Variants in CHST9 observed in about 807,000 individuals in gnomAD.
CHST9 encodes the protein GalNAc-4-sulfotransferase 2.
CHST9 carries 41 observed loss-of-function variants against 44.4 expected under a neutral mutation model. That is an observed-to-expected ratio of 0.92 (90% CI 0.72 to 1.20). The LOEUF is 1.20. Among genes scored for constraint, CHST9 ranks in the 50% most tolerant of loss-of-function variants. The pLI is 0.00. For synonymous variants in CHST9, 171 were observed against 178.4 expected (o/e 0.96, Z 0.33); for missense variants, 504 against 516.5 (o/e 0.98, Z 0.23).
At chr18:26,960,515 C>G (rs1436446806) in intron 4 of CHST9, among the ~76,000 whole-genome samples, 1 of 152,176 alleles carries the variant, frequency 6.6e-6, no homozygotes, top group Non-Finnish European at 1.5e-5. Flanking sequence ...GGCTGATTTC[C>G]TTATTTATTA....
intron 4 of CHST9, among the ~76,000 whole-genome samples, chr18:26,954,086 A>G (rs1274614372): frequency 6.6e-6 from 1 of 152,082 alleles, no homozygotes; most frequent in Non-Finnish European, 1.5e-5. Context: ...TTCACCATCA[A>G]ATTGTATTTT....
At chr18:27,129,351 C>T (rs1226789128) in intron 2 of CHST9, among the ~76,000 whole-genome samples, 2 of 151,740 alleles carry the variant, frequency 1.3e-5, no homozygotes, top group Admixed American at 1.3e-4. Context: ...GCCTTAATTG[C>T]TTGGTTTATT....
At chr18:26,919,129 G>C (rs1280417232) in intron 5 of CHST9, among the ~76,000 whole-genome samples, 1 of 152,074 alleles carries the variant, frequency 6.6e-6, no homozygotes, top group African/African-American at 2.4e-5. Context: ...CCACCCCCAT[G>C]ATTCAATTAC....
At chr18:27,115,724 G>T (rs761226944) in intron 2 of CHST9, among the ~76,000 whole-genome samples, 2 of 152,058 alleles carry the variant, frequency 1.3e-5, no homozygotes, top group Non-Finnish European at 2.9e-5. Context: ...TGTTACCTAG[G>T]CTGGTCTTGA....
intron 3 of CHST9, among the ~76,000 whole-genome samples, chr18:27,036,289 A>T (rs2057389821): frequency 6.6e-6 from 1 of 152,178 alleles, no homozygotes; most frequent in Non-Finnish European, 1.5e-5. Flanking sequence ...CCTCTCCTTT[A>T]TCTCCAGTTC....
intron 4 of CHST9, among the ~76,000 whole-genome samples, chr18:26,965,604 A>T (rs2056454622): frequency 6.6e-6 from 1 of 152,232 alleles, no homozygotes; most frequent in South Asian, 2.1e-4. Flanking sequence ...ACTGATTGCA[A>T]ATCAGAGAGA....
chr18:26,974,736 C>T (rs534363426), intron 4 of CHST9, among the ~76,000 whole-genome samples: 3 of 151,772 alleles, frequency 2.0e-5, no homozygotes, highest in African/African-American at 7.3e-5. Context: ...TGCAGTGGCC[C>T]GATCTCGGCT....
chr18:26,987,490 T>C (rs1302612094), intron 4 of CHST9, among the ~76,000 whole-genome samples: 1 of 152,206 alleles, frequency 6.6e-6, no homozygotes, highest in Non-Finnish European at 1.5e-5. Context: ...TGTTTAAACC[T>C]TTTAAAAGAC....
intron 4 of CHST9, among the ~76,000 whole-genome samples, chr18:26,955,806 G>C (rs2056314521): frequency 6.6e-6 from 1 of 152,174 alleles, no homozygotes; most frequent in African/African-American, 2.4e-5. Flanking sequence ...GAGCTCAGCT[G>C]CTGGGGGCCT....
intron 4 of CHST9, among the ~76,000 whole-genome samples, chr18:26,955,455 T>G (rs947297147): frequency 6.6e-6 from 1 of 152,166 alleles, no homozygotes; most frequent in African/African-American, 2.4e-5. Flanking sequence ...ACTCAAATAG[T>G]TTTTTTGGGG....
At chr18:27,162,532 G>T (rs1305655286) in intron 1 of CHST9, among the ~76,000 whole-genome samples, 3 of 152,108 alleles carry the variant, frequency 2.0e-5, no homozygotes, top group Non-Finnish European at 4.4e-5. Context: ...CTCTCTGGCT[G>T]CTCTTAACAT....
intron 2 of CHST9, among the ~76,000 whole-genome samples, chr18:27,082,023 C>T (rs1470307784): frequency 1.3e-5 from 2 of 152,090 alleles, no homozygotes; most frequent in Non-Finnish European, 2.9e-5. Flanking sequence ...TAAATGTTTC[C>T]CCTGAGGGTA....
At chr18:27,174,023 C>T (rs923828309) in intron 1 of CHST9, among the ~76,000 whole-genome samples, 1 of 151,920 alleles carries the variant, frequency 6.6e-6, no homozygotes, top group African/African-American at 2.4e-5. Context: ...TCAAATATAT[C>T]CTCTCCCTAA....
intron 5 of CHST9, among the ~76,000 whole-genome samples, chr18:26,939,926 C>A (rs1279403059): frequency 1.3e-5 from 2 of 152,154 alleles, no homozygotes; most frequent in African/African-American, 2.4e-5. Context: ...ACTATACTCA[C>A]CCACTCCATA....
rs1220494406 is a variant in CHST9 at position 26,907,164 on chromosome 18, CAGA to C, written c.*9092_*9094del. On this transcript the variant is annotated 3_prime_UTR_variant, in exon 6 of 6. Transcript: ENST00000618847. The stretch of plus-strand genomic sequence containing the variant: ...GTGAGAGTCTGAACTTAGATATTAG[CAGA>C]ATGGATGGGAGGAGAGGAGAAGCTT... 1 of 152,372 alleles carries C rather than the reference CAGA, an allele frequency of 6.6e-6. No homozygotes were observed. Among genetic ancestry groups the C allele is most frequent in the African/African-American group, 2.4e-5 (1 of 41,388 alleles). 9.4% of individuals were successfully genotyped at this position (152,372 alleles called of 1,614,324 possible).
At chr18:27,171,595 G>A (rs150206078) in intron 1 of CHST9, among the ~76,000 whole-genome samples, 1 of 152,188 alleles carries the variant, frequency 6.6e-6, no homozygotes, top group African/African-American at 2.4e-5. Context: ...GTCCTATGAA[G>A]TATTGTAAAT....
chr18:27,105,347 TCTC>T (rs2058211803), intron 2 of CHST9, among the ~76,000 whole-genome samples: 1 of 152,150 alleles, frequency 6.6e-6, no homozygotes, highest in Non-Finnish European at 1.5e-5. Context: ...ATCAATTTCT[TCTC>T]CTTGACTTCT....
chr18:27,173,508 A>T (rs1002939882), intron 1 of CHST9, among the ~76,000 whole-genome samples: 2 of 152,084 alleles, frequency 1.3e-5, no homozygotes, highest in Non-Finnish European at 2.9e-5. Flanking sequence ...AAAATTTCTC[A>T]TGTTGAAAAG....
At chr18:27,157,252 G>A (rs1406391816) in intron 1 of CHST9, among the ~76,000 whole-genome samples, 1 of 136,616 alleles carries the variant, frequency 7.3e-6, no homozygotes, top group Non-Finnish European at 1.7e-5. Flanking sequence ...ATTGTAGTGT[G>A]TCTTTTATAG....
Sources: gnomAD v4.1 joint callset for allele counts (sites outside exome capture counted in the v4.1 genomes callset) on GRCh38, gnomAD v4.1.1 for gene constraint, MANE v1.5 for transcripts, NCBI Gene and HGNC (gene_info 2026-07-23, HGNC 2026-07-21) for gene names.